TMEM161B: variants seen among roughly 807,000 people sequenced by gnomAD.
TMEM161B encodes the protein transmembrane protein 161B.
TMEM161B carries 34 observed loss-of-function variants against 61.8 expected under a neutral mutation model. That is an observed-to-expected ratio of 0.55 (90% CI 0.42 to 0.73). The LOEUF is 0.73. TMEM161B is among the 30% of genes least tolerant of loss of function. The pLI is 0.00. For missense variants in TMEM161B, 456 were observed against 558.5 expected (o/e 0.82, Z 1.85); for synonymous variants, 167 against 192.8 (o/e 0.87, Z 1.11).
Position 88,199,132 on chromosome 5 carries a change from G to C in TMEM161B, c.933C>G (p.Phe311Leu). ...TTATTAACCAGAGTCGCAGAGTATC[G>C]AATGTGGCTTCTGTCATTCTACAGA... is the stretch of plus-strand genomic sequence containing the variant. ...ESIPLMTEAT[F>L]DTLRLWLIIL... is the part of the protein sequence containing the mutation. The change falls in exon 10 of 12, where the codon TTC (phenylalanine) becomes TTG (leucine). Residue 311 changes from phenylalanine (F) to leucine (L), a missense_variant. Phe to Leu is a conservative substitution (Grantham distance 22). This residue lies in a region of TMEM161B where 367 missense variants were observed against 427.3 expected (regional missense o/e 0.86). Transcript: ENST00000296595. 1 of 1,609,588 alleles carries C rather than the reference G, an allele frequency of 6.2e-7. No individual in the cohort carries two copies. Among genetic ancestry groups the C allele is most frequent in the Non-Finnish European group, 8.5e-7 (1 of 1,177,638 alleles).
downstream of TMEM161B, among the ~76,000 whole-genome samples, chr5:88,188,511 G>C (rs149062882): frequency 6.6e-6 from 1 of 152,096 alleles, no homozygotes; most frequent in East Asian, 1.9e-4. Context: ...TTTTTTATTT[G>C]AATGGCCCAG....
At chr5:88,245,034 T>C (rs1753387306) in intron 1 of TMEM161B, among the ~76,000 whole-genome samples, 4 of 151,846 alleles carry the variant, frequency 2.6e-5, no homozygotes, top group Admixed American at 2.0e-4. Context: ...TAAGGAGCTT[T>C]TGGGCACAGA....
rs1226839489 is a variant in TMEM161B at position 88,228,442 on chromosome 5, T to C, written c.191+3A>G. On this transcript the variant is annotated splice_donor_region_variant and intron_variant, in intron 3 of 11. Coordinates refer to ENST00000296595, the MANE Select transcript of TMEM161B (RefSeq NM_153354.5). ...ATTACTTTACAAGCTCAATAAAACTTACCTATCTTTTTTGGTTTTCCCTTT... is the reference window on the plus strand; with the variant it reads ...ATTACTTTACAAGCTCAATAAAACTCACCTATCTTTTTTGGTTTTCCCTTT... The C allele has an allele frequency of 6.9e-6, 11 of 1,592,866 alleles. No homozygotes were observed. The highest frequency in any genetic ancestry group is 1.3e-5 in the African/African-American group (1 of 74,232).
At chr5:88,232,899 T>C (rs1201567603) in intron 2 of TMEM161B, among the ~76,000 whole-genome samples, 1 of 152,222 alleles carries the variant, frequency 6.6e-6, no homozygotes. Context: ...TTTTTAAATA[T>C]ACTCATATTT....
chr5:88,259,769 G>A (rs1580734337), intron 1 of TMEM161B, among the ~76,000 whole-genome samples: 1 of 152,280 alleles, frequency 6.6e-6, no homozygotes, highest in Admixed American at 6.5e-5. Flanking sequence ...TATATTAGGT[G>A]TTAACTAGGT....
At chr5:88,253,344 A>T (rs374913466) in intron 1 of TMEM161B, among the ~76,000 whole-genome samples, 1 of 152,190 alleles carries the variant, frequency 6.6e-6, no homozygotes, top group Admixed American at 6.5e-5. Flanking sequence ...GGTAGAGATC[A>T]ATCTCCAGTG....
intron 4 of TMEM161B, among the ~76,000 whole-genome samples, chr5:88,224,958 T>C (rs945187811): frequency 2.8e-5 from 4 of 142,816 alleles, no homozygotes; most frequent in Admixed American, 2.1e-4. Flanking sequence ...ACACAAAATA[T>C]GTTTTTGTTT....
intron 2 of TMEM161B, among the ~76,000 whole-genome samples, chr5:88,231,540 A>C (rs2112598416): frequency 1.3e-5 from 2 of 152,358 alleles, no homozygotes; most frequent in East Asian, 3.9e-4. Flanking sequence ...AAGTTAGTAC[A>C]GTTACTGGCA....
intron 2 of TMEM161B, among the ~76,000 whole-genome samples, chr5:88,238,944 G>A (rs185547966): frequency 9.5e-4 from 144 of 151,916 alleles, no homozygotes; most frequent in Non-Finnish European, 4.9e-4. Flanking sequence ...AGACTTTCTC[G>A]ATATCCTTAG....
chr5:88,205,837 A>T lies in TMEM161B; in HGVS notation c.777T>A (p.Asn259Lys). 5.0e-6 allele frequency: 8 copies of T among 1,612,558 alleles called. No homozygotes were observed. The highest frequency in any genetic ancestry group is 5.9e-6 in the Non-Finnish European group (7 of 1,179,282). Reference protein sequence around the residue: ...RLAQMHLDALNLATEKITQTL... With the variant: ...RLAQMHLDALKLATEKITQTL... ...ACTGTGTAATTTTTTCTGTTGCCAA[A>T]TTCAGGGCATCCAGATGCATTTGAG... The change falls in exon 8 of 12, where the codon AAT becomes AAA. Residue 259 changes from asparagine to lysine, a missense_variant. By Grantham distance (94) the Asn-to-Lys change is moderately conservative. Around this residue, in one of 3 missense-constraint regions of TMEM161B, gnomAD observed 367 missense variants for 427.3 expected, o/e 0.86. Transcript: ENST00000296595.
intron 9 of TMEM161B, 120 bp from the exon 10 acceptor site, chr5:88,199,270 A>C: frequency 1.1e-6 from 1 of 945,012 alleles, no homozygotes; most frequent in Non-Finnish European, 1.5e-6. Flanking sequence ...AGTTAGACAC[A>C]TAAAAGAATC....
downstream of TMEM161B, among the ~76,000 whole-genome samples, chr5:88,185,812 G>GA (rs1430835898): frequency 5.3e-5 from 8 of 151,978 alleles, no homozygotes; most frequent in Non-Finnish European, 8.8e-5. Flanking sequence ...AAGAAACCTG[G>GA]AAAAAAATGA....
chr5:88,235,247 G>T (rs1751650428), intron 2 of TMEM161B, among the ~76,000 whole-genome samples: 1 of 152,104 alleles, frequency 6.6e-6, no homozygotes, highest in South Asian at 2.1e-4. Context: ...AAAACTTTTA[G>T]AAATTTAAAA....
intron 4 of TMEM161B, among the ~76,000 whole-genome samples, chr5:88,223,028 A>C (rs1405224136): frequency 1.3e-5 from 2 of 151,748 alleles, no homozygotes; most frequent in African/African-American, 4.8e-5. Context: ...ATGTTACATG[A>C]CCAATTGATA....
downstream of TMEM161B, among the ~76,000 whole-genome samples, chr5:88,191,109 C>T (rs74354399): frequency 8.7e-3 from 1,331 of 152,264 alleles, 22 homozygotes; most frequent in African/African-American, 0.028. Context: ...ATGTCTTCAT[C>T]TATGATTATT....
chr5:88,188,825 T>C (rs1360067302), downstream of TMEM161B, among the ~76,000 whole-genome samples: 1 of 151,938 alleles, frequency 6.6e-6, no homozygotes, highest in African/African-American at 2.4e-5. Context: ...GTGGTTAGAG[T>C]TGGGGGGGGT....
intron 1 of TMEM161B, among the ~76,000 whole-genome samples, chr5:88,246,297 C>G (rs767161450): frequency 1.5e-4 from 22 of 151,148 alleles, no homozygotes; most frequent in Non-Finnish European, 2.5e-4. Context: ...AAAAAAGTAA[C>G]TTTTATACCA....
intron 1 of TMEM161B, among the ~76,000 whole-genome samples, chr5:88,268,374 G>A (rs905287115): frequency 6.6e-6 from 1 of 152,182 alleles, no homozygotes; most frequent in African/African-American, 2.4e-5. Context: ...CGCGGATGGA[G>A]AAGGGGGCGC....
chr5:88,202,426 G>A (rs756814665), intron 9 of TMEM161B: 7 of 162,882 alleles, frequency 4.3e-5, no homozygotes, highest in Non-Finnish European at 8.6e-5. Flanking sequence ...TGTTATATAG[G>A]AAAATATCCT....
Sources: allele counts gnomAD v4.1 joint callset (sites outside exome capture counted in the v4.1 genomes callset), GRCh38; gene constraint gnomAD v4.1.1; regional missense constraint gnomAD v4.1.1; transcripts MANE v1.5; gene names NCBI Gene and HGNC (gene_info 2026-07-23, HGNC 2026-07-21).